The following ZNF292 variants were observed in gnomAD, a reference collection of about 807,000 sequenced individuals.
The protein encoded by ZNF292 is zinc finger protein 292, also known as 16 zinc-finger domain protein.
Under a neutral mutation model 217.9 loss-of-function variants are expected in ZNF292, and 26 were observed. The ratio of observed to expected loss-of-function variants is 0.12; its 90% CI spans 0.09 to 0.17. ZNF292 has a LOEUF of 0.17. Among genes scored for constraint, ZNF292 ranks in the 10% least tolerant of loss-of-function variants. The pLI, the probability that ZNF292 is intolerant of heterozygous loss-of-function variation, is 1.00. For synonymous variants in ZNF292, 1,257 were observed against 1,124.1 expected, an observed-to-expected ratio of 1.12 and a Z score of -2.37; for missense variants, 2,904 against 3,175.2, an observed-to-expected ratio of 0.91 and a Z score of 2.05.
At chr6:87,226,374 A>G (rs1773342704) in intron 4 of ZNF292, among the ~76,000 whole-genome samples, 3 of 152,114 alleles carry the variant, frequency 2.0e-5, no homozygotes, top group African/African-American at 7.2e-5. Context: ...TTTGCTAGAT[A>G]TTAGCATACC....
chr6:87,248,709 A>G (rs1437532107), intron 7 of ZNF292, among the ~76,000 whole-genome samples: 2 of 152,258 alleles, frequency 1.3e-5, no homozygotes, highest in African/African-American at 2.4e-5. Flanking sequence ...AAGAACTTGG[A>G]ACTAGAAGCC....
chr6:87,183,113 G>A (rs1771519822), intron 1 of ZNF292, among the ~76,000 whole-genome samples: 2 of 152,102 alleles, frequency 1.3e-5, no homozygotes, highest in African/African-American at 4.8e-5. Context: ...AAGAAAAAAT[G>A]CTTGCAATAA....
At chr6:87,205,395 A>C (rs994762293) in intron 1 of ZNF292, among the ~76,000 whole-genome samples, 18 of 152,088 alleles carry the variant, frequency 1.2e-4, no homozygotes, top group Non-Finnish European at 4.4e-5. Context: ...CTTTTCTATA[A>C]AAATTGTATG....
Position 87,222,627 on chromosome 6 carries a change from C to T in ZNF292, c.538+3896C>T. 3 of 252,182 alleles carry T rather than the reference C, an allele frequency of 1.2e-5. 1 individual carries two copies. The South Asian group carries it at 1.3e-4, about 11-fold the overall frequency. The allele number at this position is 252,182 out of a possible 1,614,324, so 15.6% of individuals were successfully genotyped here. A position where few individuals can be genotyped will look rare whatever the true frequency, so the allele number is the denominator to read the frequency against. ...TGAAGAGTTTCCATATACCCTGAACCCGTTTTCACTCTCATTAATATCTTA... is the reference window on the plus strand; with the variant it reads ...TGAAGAGTTTCCATATACCCTGAACTCGTTTTCACTCTCATTAATATCTTA... On this transcript the variant is annotated intron_variant, in intron 4 of 7. Coordinates refer to ENST00000369577, the MANE Select transcript of ZNF292 (RefSeq NM_015021.3).
At position 87,255,183 on chromosome 6, in the gene ZNF292, G is replaced by A. The variant is rs1383244281; in HGVS notation, c.1554G>A (p.Lys518=). 1.2e-6 allele frequency: 2 copies of A among 1,613,696 alleles called. No individual in the cohort carries two copies. Among genetic ancestry groups the A allele is most frequent in the Non-Finnish European group, 8.5e-7 (1 of 1,179,824 alleles). Residue 518 remains lysine, a synonymous_variant, in exon 8 of 8, where the codon AAG becomes AAA. Coordinates refer to ENST00000369577, the MANE Select transcript of ZNF292 (RefSeq NM_015021.3). ...LKDIGDEKQK[K]REIKQLRERG... is the part of the protein sequence containing the mutation. ...ACATTGGTGATGAAAAGCAGAAGAA[G>A]AGAGAGATAAAACAGTTAAGAGAGA...
At chr6:87,172,749 TA>T (rs1010467451) in intron 1 of ZNF292, among the ~76,000 whole-genome samples, 4 of 151,456 alleles carry the variant, frequency 2.6e-5, no homozygotes, top group African/African-American at 7.3e-5. Context: ...CTATAAAAAA[TA>T]AAAAATATTA....
intron 7 of ZNF292, among the ~76,000 whole-genome samples, chr6:87,254,206 A>C (rs1197324772): frequency 1.3e-5 from 2 of 152,366 alleles, no homozygotes; most frequent in South Asian, 2.1e-4. Flanking sequence ...TAGATTGCTT[A>C]TGCAAACAGG....
intron 1 of ZNF292, among the ~76,000 whole-genome samples, chr6:87,195,873 C>G (rs1771941036): frequency 6.6e-6 from 1 of 151,602 alleles, no homozygotes; most frequent in African/African-American, 2.4e-5. Context: ...ACTGAAAATA[C>G]AAAAATTAGC....
chr6:87,253,540 T>C (rs1358708080), intron 7 of ZNF292, among the ~76,000 whole-genome samples: 1 of 152,140 alleles, frequency 6.6e-6, no homozygotes. Context: ...TAACCTATCA[T>C]TTTAAAAATA....
chr6:87,213,996 C>G (rs1772616590), intron 1 of ZNF292: 1 of 152,182 alleles, frequency 6.6e-6, no homozygotes, highest in South Asian at 2.1e-4. Context: ...CGGAGAGACT[C>G]TGAGGCTGCT....
At chr6:87,186,212 A>G (rs1771648048) in intron 1 of ZNF292, among the ~76,000 whole-genome samples, 1 of 152,248 alleles carries the variant, frequency 6.6e-6, no homozygotes, top group Non-Finnish European at 1.5e-5. Context: ...GCCTTCAGGC[A>G]TATTTTTCTA....
At chr6:87,193,055 A>G (rs1023523203) in intron 1 of ZNF292, among the ~76,000 whole-genome samples, 6 of 152,130 alleles carry the variant, frequency 3.9e-5, no homozygotes, top group South Asian at 2.1e-4. Context: ...TGCAATGGCA[A>G]CTCGGCTCAC....
intron 7 of ZNF292, among the ~76,000 whole-genome samples, chr6:87,246,445 G>A (rs535937732): frequency 1.3e-5 from 2 of 152,250 alleles, no homozygotes; most frequent in East Asian, 1.9e-4. Flanking sequence ...ACCTAAAAAC[G>A]GGAACAGAAA....
chr6:87,196,513 C>G (rs1156905804), intron 1 of ZNF292, among the ~76,000 whole-genome samples: 1 of 152,200 alleles, frequency 6.6e-6, no homozygotes, highest in Non-Finnish European at 1.5e-5. Context: ...TGCCCAGTAA[C>G]CAGTTGCTGT....
At chr6:87,237,722 T>C (rs1037025491) in intron 5 of ZNF292, among the ~76,000 whole-genome samples, 11 of 152,380 alleles carry the variant, frequency 7.2e-5, no homozygotes, top group Admixed American at 3.9e-4. Context: ...AGGGACTTTA[T>C]TCAGCATAAT....
rs1051714819 is a variant in ZNF292 at position 87,264,379 on chromosome 6, C to T, written c.*2578C>T. ...ATGTAACAGTTTTTGAAATTTTCAA[C>T]GGTGTTAAATTTAACATAGGTACAT... On this transcript the variant is annotated 3_prime_UTR_variant, in exon 8 of 8. Transcript: ENST00000369577. 2.6e-5 allele frequency among the ~76,000 whole-genome samples: 4 copies of T among 152,074 alleles called. No homozygotes were observed. The highest frequency in any genetic ancestry group is 3.8e-4 in the East Asian group (2 of 5,196).
At position 87,261,890 on chromosome 6, in the gene ZNF292, T is replaced by A; in HGVS notation, c.*89T>A. 2.0e-6 allele frequency: 2 copies of A among 987,030 alleles called. No individual in the cohort carries two copies. The highest frequency in any genetic ancestry group is 2.8e-6 in the Non-Finnish European group (2 of 717,000). 61.1% of individuals were successfully genotyped at this position (987,030 alleles called of 1,614,324 possible). ...CTAGAATTGTGAAACTTTCATTATA[T>A]TTTTTTGTTGTTGACATGAATTAAC... On this transcript the variant is annotated 3_prime_UTR_variant, in exon 8 of 8. Transcript: ENST00000369577.
At chr6:87,161,916 A>C (rs975020452) in intron 1 of ZNF292, among the ~76,000 whole-genome samples, 1 of 152,208 alleles carries the variant, frequency 6.6e-6, no homozygotes, top group Non-Finnish European at 1.5e-5. Context: ...TAAGAAAATA[A>C]AGATAACTAC....
intron 1 of ZNF292, among the ~76,000 whole-genome samples, chr6:87,196,040 A>AG (rs1771946018): frequency 6.6e-6 from 1 of 151,722 alleles, no homozygotes; most frequent in African/African-American, 2.4e-5. Flanking sequence ...AAAAAAAAAA[A>AG]CAAAAAGAAA....
Sources: gnomAD v4.1 joint callset for allele counts (sites outside exome capture counted in the v4.1 genomes callset) on GRCh38, gnomAD v4.1.1 for gene constraint, MANE v1.5 for transcripts, NCBI Gene and HGNC (gene_info 2026-07-23, HGNC 2026-07-21) for gene names.